Variants in SAMSN1 observed in about 807,000 individuals in gnomAD.
SAMSN1 encodes the protein SAM domain-containing protein SAMSN-1.
In SAMSN1, 31 loss-of-function variants were observed where a neutral mutation model predicts 42.0. That is an observed-to-expected ratio of 0.74 (90% confidence interval 0.55 to 1.00). The LOEUF (loss-of-function observed/expected upper bound fraction) is 1.00. SAMSN1 is among the 50% of genes least tolerant of loss of function. The pLI is 0.00. For missense variants in SAMSN1, 464 were observed against 439.4 expected, an observed-to-expected ratio of 1.06 and a Z score of -0.50; for synonymous variants, 178 against 151.9, an observed-to-expected ratio of 1.17 and a Z score of -1.26.
At chr21:14,651,427 A>G (rs1453087931) in intron 1 of SAMSN1, among the ~76,000 whole-genome samples, 1 of 152,058 alleles carries the variant, frequency 6.6e-6, no homozygotes. Context: ...AATGAAGTTT[A>G]AAAACAATAT....
intron 2 of SAMSN1, among the ~76,000 whole-genome samples, chr21:14,617,755 A>G (rs1353293453): frequency 6.6e-6 from 1 of 152,246 alleles, no homozygotes; most frequent in Non-Finnish European, 1.5e-5. Flanking sequence ...AAGTCACAGT[A>G]TTTTGGAACC....
At chr21:14,641,797 T>G (rs1983604030) in intron 2 of SAMSN1, among the ~76,000 whole-genome samples, 2 of 152,144 alleles carry the variant, frequency 1.3e-5, no homozygotes. Flanking sequence ...TGTATTAAAT[T>G]ATAGTTGACC....
chr21:14,506,844 C>T (rs544916414), intron 5 of SAMSN1, among the ~76,000 whole-genome samples: 1 of 152,092 alleles, frequency 6.6e-6, no homozygotes, highest in African/African-American at 2.4e-5. Flanking sequence ...GATAACCCAC[C>T]ATGATCAAGT....
intron 1 of SAMSN1, among the ~76,000 whole-genome samples, chr21:14,525,342 A>G (rs1332649042): frequency 2.0e-5 from 3 of 152,236 alleles, no homozygotes; most frequent in African/African-American, 7.2e-5. Flanking sequence ...GAGACAGAAG[A>G]GCATGTTAAA....
chr21:14,556,952 C>G (rs1433236959), intron 2 of SAMSN1, among the ~76,000 whole-genome samples: 1 of 152,178 alleles, frequency 6.6e-6, no homozygotes, highest in Non-Finnish European at 1.5e-5. Flanking sequence ...CAGCAACACC[C>G]TCTCCAACCA....
At chr21:14,618,530 TCTGA>T (rs542651240) in intron 2 of SAMSN1, among the ~76,000 whole-genome samples, 172 of 152,336 alleles carry the variant, frequency 1.1e-3, no homozygotes, top group African/African-American at 4.1e-3. Context: ...GACTTTCAAT[TCTGA>T]CTGCTGCTTA....
chr21:14,643,781 A>G (rs1298360222), intron 1 of SAMSN1, among the ~76,000 whole-genome samples: 1 of 152,198 alleles, frequency 6.6e-6, no homozygotes, highest in Non-Finnish European at 1.5e-5. Flanking sequence ...AGAGATAGAA[A>G]AAACAGTCCC....
At chr21:14,587,520 C>A (rs746695368), upstream of SAMSN1, among the ~76,000 whole-genome samples, 22 of 152,062 alleles carry the variant, frequency 1.4e-4, no homozygotes, top group Non-Finnish European at 2.8e-4. Context: ...CCTTCCTTTT[C>A]TTGAAATTAA....
intron 1 of SAMSN1, among the ~76,000 whole-genome samples, chr21:14,545,071 T>C (rs1159771973): frequency 6.6e-6 from 1 of 152,166 alleles, no homozygotes; most frequent in Non-Finnish European, 1.5e-5. Flanking sequence ...GTTATCTAGC[T>C]ACATTTTAAA....
chr21:14,594,683 T>A (rs1427317085), intron 6 of SAMSN1: 1 of 152,182 alleles, frequency 6.6e-6, no homozygotes, highest in Non-Finnish European at 1.5e-5. Context: ...TATCAAACAA[T>A]TTCTACCTAG....
upstream of SAMSN1, among the ~76,000 whole-genome samples, chr21:14,586,568 A>G (rs768595296): frequency 2.3e-4 from 35 of 152,318 alleles, no homozygotes; most frequent in African/African-American, 8.2e-4. Flanking sequence ...GTTTTTATCA[A>G]GTCTAATTCT....
chr21:14,574,215 G>A (rs1388792513), intron 2 of SAMSN1, among the ~76,000 whole-genome samples: 1 of 152,138 alleles, frequency 6.6e-6, no homozygotes, highest in Non-Finnish European at 1.5e-5. Context: ...GTCCATAATT[G>A]TCTTCCTCCT....
At chr21:14,600,780 G>A (rs1433138965) in intron 6 of SAMSN1, among the ~76,000 whole-genome samples, 1 of 152,024 alleles carries the variant, frequency 6.6e-6, no homozygotes, top group African/African-American at 2.4e-5. Flanking sequence ...TTATATCTGA[G>A]GTCTCATCTG....
chr21:14,598,987 ACTT>A (rs1982353150), intron 6 of SAMSN1, among the ~76,000 whole-genome samples: 1 of 152,170 alleles, frequency 6.6e-6, no homozygotes. Flanking sequence ...ACAAAAATAA[ACTT>A]CACTTTTTCC....
intron 1 of SAMSN1, among the ~76,000 whole-genome samples, chr21:14,644,304 T>C (rs970325402): frequency 1.3e-5 from 2 of 151,852 alleles, no homozygotes; most frequent in Non-Finnish European, 2.9e-5. Context: ...AGGGAGGCCT[T>C]TGTCTTGCAT....
intron 1 of SAMSN1, among the ~76,000 whole-genome samples, chr21:14,534,485 A>G (rs1979470144): frequency 6.6e-6 from 1 of 151,966 alleles, no homozygotes; most frequent in Non-Finnish European, 1.5e-5. Context: ...AATGTGGAAC[A>G]AGCACAACGA....
At chr21:14,599,711 C>G (rs1982378075) in intron 6 of SAMSN1, among the ~76,000 whole-genome samples, 1 of 152,096 alleles carries the variant, frequency 6.6e-6, no homozygotes, top group South Asian at 2.1e-4. Flanking sequence ...CTTGGAATCT[C>G]TGGGTCCCCT....
At chr21:14,492,089 AG>A (rs1194907108) in intron 7 of SAMSN1, among the ~76,000 whole-genome samples, 1 of 152,096 alleles carries the variant, frequency 6.6e-6, no homozygotes, top group African/African-American at 2.4e-5. Flanking sequence ...TATTGTTTTT[AG>A]TTTTTACCCA....
Position 14,510,361 on chromosome 21 carries a change from C to T in SAMSN1, c.510G>A (p.Val170=), listed in dbSNP as rs374588371. 1.7e-5 allele frequency: 28 copies of T among 1,613,988 alleles called. No homozygotes were observed. The Middle Eastern group carries it at 8.2e-4, about 47-fold the overall frequency. ...YSGPFCGRAR[V]HTDFTPSPYD... ...AGGGACTTGGCGTGAAATCCGTATG[C>T]ACTCTGGCACGGCCACAGAATGGTC... is the stretch of plus-strand genomic sequence containing the variant. Residue 170 remains valine (V), a synonymous_variant, in exon 5 of 8, where the codon GTG becomes GTA. Transcript: ENST00000400566.
Sources: allele counts gnomAD v4.1 joint callset (sites outside exome capture counted in the v4.1 genomes callset), GRCh38; gene constraint gnomAD v4.1.1; transcripts MANE v1.5; gene names NCBI Gene and HGNC (gene_info 2026-07-23, HGNC 2026-07-21).